The following CD8B2 variants were observed in gnomAD, a reference collection of about 807,000 sequenced individuals.
CD8B2 encodes the protein T-cell surface glycoprotein CD8 beta-2 chain.
A neutral mutation model predicts 23.7 loss-of-function variants in CD8B2; 11 were observed. The ratio of observed to expected loss-of-function variants is 0.46; its 90% CI spans 0.29 to 0.77. The LOEUF is 0.77. Ranked by LOEUF, CD8B2 falls within the 30% of genes least tolerant of loss-of-function variation. CD8B2 has a pLI of 0.09. For missense variants in CD8B2, 197 were observed against 270.5 expected, an observed-to-expected ratio of 0.73 and a Z score of 1.91; for synonymous variants, 90 against 109.3, an observed-to-expected ratio of 0.82 and a Z score of 1.10.
intron 5 of CD8B2, among the ~76,000 whole-genome samples, chr2:106,523,665 G>A (rs775990364): frequency 6.6e-6 from 1 of 152,182 alleles, no homozygotes; most frequent in African/African-American, 2.4e-5. Context: ...TGCACAGAAA[G>A]CCAATCCCTG....
chr2:106,499,531 CAAAAA>C (rs58020024), intron 3 of CD8B2, among the ~76,000 whole-genome samples: 3 of 87,140 alleles, frequency 3.4e-5, no homozygotes. Context: ...GACCCTGTCT[CAAAAA>C]AAAAAAAAAA....
chr2:106,529,033 C>T (rs1036493533), intron 5 of CD8B2, among the ~76,000 whole-genome samples: 2 of 152,168 alleles, frequency 1.3e-5, no homozygotes, highest in Non-Finnish European at 1.5e-5. Context: ...GGAAGCAGCT[C>T]CTGAGCTCTG....
chr2:106,526,046 G>A (rs1383855676), intron 5 of CD8B2, among the ~76,000 whole-genome samples: 1 of 152,166 alleles, frequency 6.6e-6, no homozygotes, highest in Non-Finnish European at 1.5e-5. Flanking sequence ...TTTGAGACCA[G>A]CCTGGGCAAC....
chr2:106,515,302 G>A (rs1461414705), downstream of CD8B2, among the ~76,000 whole-genome samples: 1 of 152,180 alleles, frequency 6.6e-6, no homozygotes, highest in Non-Finnish European at 1.5e-5. Flanking sequence ...CCTATTTCCT[G>A]GTACCCACTC....
At chr2:106,493,783 T>G (rs1394602462) in intron 2 of CD8B2, among the ~76,000 whole-genome samples, 1 of 152,170 alleles carries the variant, frequency 6.6e-6, no homozygotes, top group African/African-American at 2.4e-5. Flanking sequence ...GGTCTTTTGC[T>G]GCAGATACTG....
Position 106,530,556 on chromosome 2 carries a change from T to G in CD8B2, c.621-13436T>G, listed in dbSNP as rs1030909264. 2.0e-5 allele frequency among the ~76,000 whole-genome samples: 3 copies of G among 152,134 alleles called. No homozygotes were observed. The South Asian group carries it at 6.2e-4, about 32-fold the overall frequency. ...ACCACGCCAGGCTAATTTTTTTGTA[T>G]TTTTAGTAGAGATGGGGTTTCACCC... On this transcript the variant is annotated intron_variant, in intron 5 of 5. Transcript: ENST00000416057.
At chr2:106,488,716 T>C (rs1679130569) in intron 1 of CD8B2, among the ~76,000 whole-genome samples, 1 of 152,244 alleles carries the variant, frequency 6.6e-6, no homozygotes, top group Non-Finnish European at 1.5e-5. Context: ...TTAACCTTCC[T>C]GAGTCTCTCT....
rs1326988537 is a variant in CD8B2, at chr2:106,502,342, A to G, written c.494-132A>G. 5.1e-6 allele frequency: 3 copies of G among 593,224 alleles called. No individual in the cohort carries two copies. In the South Asian group the frequency reaches 6.0e-5, roughly 12 times the overall value. The allele number at this position is 593,224 out of a possible 1,614,324, so 36.7% of individuals were successfully genotyped here. A position where few individuals can be genotyped will look rare whatever the true frequency, so the allele number is the denominator to read the frequency against. On this transcript the variant is annotated intron_variant, in intron 3 of 5. Coordinates refer to ENST00000643224, the MANE Select transcript of CD8B2 (RefSeq NM_001349727.2). ...AAAGACTTGAGGAAACATACATTAC[A>G]TCGAAATACAAATGGTGGTATTCTC...
intron 2 of CD8B2, 32 bp from the exon 3 acceptor site, chr2:106,496,141 G>C (rs1679295109): frequency 1.1e-5 from 17 of 1,547,592 alleles, no homozygotes; most frequent in Non-Finnish European, 1.4e-5. Context: ...TGTTCACTTG[G>C]CTAAGATATG....
intron 5 of CD8B2, among the ~76,000 whole-genome samples, chr2:106,519,461 C>T (rs762008711): frequency 3.9e-5 from 6 of 152,256 alleles, no homozygotes; most frequent in South Asian, 2.1e-4. Flanking sequence ...ATTGAGGGTT[C>T]GGGGTAATAT....
intron 5 of CD8B2, among the ~76,000 whole-genome samples, chr2:106,516,182 C>T (rs1280532475): frequency 6.6e-6 from 1 of 152,056 alleles, no homozygotes; most frequent in Non-Finnish European, 1.5e-5. Flanking sequence ...CCCTTTCTGC[C>T]CCACCCCACC....
Position 106,506,935 on chromosome 2 carries a change from A to G in CD8B2, c.628A>G (p.Lys210Glu). 2 of 1,599,008 alleles carry G rather than the reference A, an allele frequency of 1.3e-6. No homozygotes were observed. The highest frequency in any genetic ancestry group is 1.7e-5 in the Admixed American group (1 of 57,318). ...ARLRFMKQFY[K>E] Reference sequence around the variant, plus strand: ...ACTTGCTGTTGTTTTCAGATTTTACAAATGAGCAGAGAATACGGTTTTGGT... The same window carrying G: ...ACTTGCTGTTGTTTTCAGATTTTACGAATGAGCAGAGAATACGGTTTTGGT... Residue 210 changes from lysine (K) to glutamate (E), a missense_variant, in exon 6 of 6, where the codon AAA becomes GAA. Lys to Glu is a moderately conservative substitution (Grantham distance 56). Transcript: ENST00000643224.
In CD8B2 at chr2:106,508,498, G is replaced by A. The variant is rs980356702; in HGVS notation, c.*1558G>A. On this transcript the variant is annotated 3_prime_UTR_variant, in exon 6 of 6. Transcript: ENST00000643224. ...GAGGGCCTTGAGTGTAAGTTGTCCA[G>A]GTCCTTGGCATTTTGAACAAAGAAC... The A allele has an allele frequency of 2.0e-5, 3 of 152,080 alleles. No individual in the cohort carries two copies. Among genetic ancestry groups the A allele is most frequent in the Non-Finnish European group, 2.9e-5 (2 of 68,024 alleles). The allele number at this position is 152,080 out of a possible 1,614,324, so 9.4% of individuals were successfully genotyped here.
chr2:106,524,444 T>C (rs1679878723), intron 5 of CD8B2, among the ~76,000 whole-genome samples: 1 of 152,172 alleles, frequency 6.6e-6, no homozygotes, highest in Non-Finnish European at 1.5e-5. Flanking sequence ...GCTGGAGAAC[T>C]GCCCTCAGCC....
intron 5 of CD8B2, among the ~76,000 whole-genome samples, chr2:106,523,815 G>A (rs1317903296): frequency 6.6e-6 from 1 of 152,168 alleles, no homozygotes; most frequent in Middle Eastern, 3.2e-3. Context: ...GCTGCAAGGG[G>A]GAAGGAATGA....
intron 5 of CD8B2, among the ~76,000 whole-genome samples, chr2:106,539,848 T>C (rs769560557): frequency 6.6e-5 from 10 of 152,250 alleles, no homozygotes; most frequent in Non-Finnish European, 1.5e-4. Context: ...TGTATTCTCC[T>C]ACTGCTGAGC....
Position 106,541,660 on chromosome 2 carries a change from C to T in CD8B2, c.621-2332C>T, listed in dbSNP as rs1169163134. Among the ~76,000 whole-genome samples, 4 of 152,146 alleles carry T rather than the reference C, an allele frequency of 2.6e-5. No homozygotes were observed. The East Asian group carries it at 7.7e-4, about 29-fold the overall frequency. ...CTCTATTAATGAAATAGAGACCATA[C>T]AAGGTGGGAGTGCATTACATATTGT... is the stretch of plus-strand genomic sequence containing the variant. On this transcript the variant is annotated intron_variant, in intron 5 of 5. Coordinates refer to the CD8B2 transcript ENST00000416057.
downstream of CD8B2, among the ~76,000 whole-genome samples, chr2:106,512,811 C>T (rs1052714983): frequency 6.6e-6 from 1 of 152,104 alleles, no homozygotes; most frequent in Admixed American, 6.5e-5. Context: ...CCAGCCAGCC[C>T]TGTGCTGGGA....
chr2:106,523,104 G>A (rs1386885261), intron 5 of CD8B2, among the ~76,000 whole-genome samples: 3 of 152,142 alleles, frequency 2.0e-5, no homozygotes, highest in African/African-American at 7.2e-5. Flanking sequence ...CTCTCAAGGT[G>A]AGCTCAAATA....
Sources: gnomAD v4.1 joint callset for allele counts (sites outside exome capture counted in the v4.1 genomes callset) on GRCh38, gnomAD v4.1.1 for gene constraint, MANE v1.5 for transcripts, NCBI Gene and HGNC (gene_info 2026-07-23, HGNC 2026-07-21) for gene names.